ZNF726: variants seen among roughly 807,000 people sequenced by gnomAD.
The protein encoded by ZNF726 is zinc finger protein 726.
In ZNF726, 15 loss-of-function variants were observed where a neutral mutation model predicts 11.6. That is an observed-to-expected ratio of 1.29 (90% CI 0.86 to 1.99). The LOEUF (loss-of-function observed/expected upper bound fraction) is 1.99, where lower values mean the gene tolerates loss of function less well. Among genes scored for constraint, ZNF726 ranks in the 30% most tolerant of loss-of-function variants. The pLI, the probability that ZNF726 is intolerant of heterozygous loss-of-function variation, is 0.00. For missense variants in ZNF726, 890 were observed against 725.6 expected (o/e 1.23, Z -2.60); for synonymous variants, 295 against 243.6 (o/e 1.21, Z -1.96).
At chr19:23,944,178 A>G (rs1968382117) in intron 4 of ZNF726, 1 of 152,072 alleles carries the variant, frequency 6.6e-6, no homozygotes. Context: ...TGCTGGCAAA[A>G]TATTTTTTGA....
chr19:23,935,344 G>T (rs762919004), downstream of ZNF726: 2 of 528,324 alleles, frequency 3.8e-6, no homozygotes, highest in East Asian at 5.3e-5. Flanking sequence ...GCCCTAACTA[G>T]ACATAAGAAA....
At position 23,932,872 on chromosome 19, in the gene ZNF726, T is replaced by A. The variant is rs764404932; in HGVS notation, c.756T>A (p.Thr252=). The change falls in exon 4 of 4, where the codon ACT becomes ACA. Residue 252 remains threonine, a synonymous_variant. Coordinates refer to ENST00000594466, the MANE Select transcript of ZNF726 (RefSeq NM_001244038.2). ...ATACTACACATAAGGTAACTCATAC[T>A]GGAGAGAAGCCTTACAAGTGTGAAG... is the stretch of plus-strand genomic sequence containing the variant. ...SNYTTHKVTH[T]GEKPYKCEEC... is the part of the protein sequence containing the mutation. 1.2e-6 allele frequency: 2 copies of A among 1,608,790 alleles called. No homozygotes were observed. The highest frequency in any genetic ancestry group is 1.7e-6 in the Non-Finnish European group (2 of 1,177,920).
intron 3 of ZNF726, chr19:23,921,082 G>A (rs1007463245): frequency 6.6e-6 from 1 of 152,260 alleles, no homozygotes; most frequent in East Asian, 1.9e-4. Context: ...TGAATCACGA[G>A]GTCACGAATT....
At chr19:23,926,277 G>C (rs867656957) in intron 3 of ZNF726, among the ~76,000 whole-genome samples, 1 of 151,952 alleles carries the variant, frequency 6.6e-6, no homozygotes. Flanking sequence ...TTATCCGGTC[G>C]GGTGCGGTGG....
intron 3 of ZNF726, among the ~76,000 whole-genome samples, chr19:23,924,657 A>G (rs1317226068): frequency 2.6e-5 from 4 of 152,166 alleles, no homozygotes; most frequent in African/African-American, 9.7e-5. Context: ...AGAGGCCGGG[A>G]CAGGAGGTTT....
At chr19:23,916,107 C>A (rs1370690760) in intron 1 of ZNF726, among the ~76,000 whole-genome samples, 1 of 152,150 alleles carries the variant, frequency 6.6e-6, no homozygotes, top group Non-Finnish European at 1.5e-5. Flanking sequence ...TCACACTCCA[C>A]AGGGGACTGA....
chr19:23,930,733 G>A lies in ZNF726; in HGVS notation c.227-1610G>A, dbSNP rs563900192. On this transcript the variant is annotated intron_variant, in intron 3 of 3. Transcript: ENST00000594466. ...TTATTTGTGAGTCTATGTAATTTTT[G>A]TGTGGTAGAAACATTTTTGGATTTG... Among the ~76,000 whole-genome samples, 10 of 152,070 alleles carry A rather than the reference G, an allele frequency of 6.6e-5. No individual in the cohort carries two copies. In the South Asian group the frequency reaches 1.9e-3, roughly 28 times the overall value.
At chr19:23,925,917 A>G (rs1164434794) in intron 3 of ZNF726, among the ~76,000 whole-genome samples, 1 of 151,656 alleles carries the variant, frequency 6.6e-6, no homozygotes, top group Non-Finnish European at 1.5e-5. Context: ...GAGTTTCACC[A>G]TGTTGGTCAG....
intron 3 of ZNF726, chr19:23,923,377 G>C: frequency 2.5e-6 from 1 of 399,634 alleles, no homozygotes; most frequent in South Asian, 1.8e-5. Context: ...CATTTTCTCT[G>C]AAATTTTATT....
At chr19:23,926,485 C>T (rs1568377556) in intron 3 of ZNF726, among the ~76,000 whole-genome samples, 3 of 148,344 alleles carry the variant, frequency 2.0e-5, no homozygotes, top group Admixed American at 6.9e-5. Flanking sequence ...ACCCAGGAGG[C>T]GGAGGTTGTA....
intron 3 of ZNF726, among the ~76,000 whole-genome samples, chr19:23,926,946 G>C (rs1968002001): frequency 6.6e-6 from 1 of 152,048 alleles, no homozygotes; most frequent in Non-Finnish European, 1.5e-5. Context: ...TTTAAACAAT[G>C]TTTCCTTAAA....
At position 23,919,336 on chromosome 19, in the gene ZNF726, C is replaced by A. The variant is rs188480525; in HGVS notation, c.4-37C>A. 1.5e-4 allele frequency: 231 copies of A among 1,590,826 alleles called. No homozygotes were observed. The East Asian group carries it at 4.5e-3, about 31-fold the overall frequency. On this transcript the variant is annotated intron_variant, in intron 1 of 3. Coordinates refer to ENST00000594466, the MANE Select transcript of ZNF726 (RefSeq NM_001244038.2). ...TCAAATGAAAAATTCTGCCCATAGC[C>A]ACTTTGTAAATATGTGTGTTTGTGT...
downstream of ZNF726, among the ~76,000 whole-genome samples, chr19:23,936,857 C>A (rs1968241592): frequency 6.6e-6 from 1 of 152,038 alleles, no homozygotes; most frequent in Non-Finnish European, 1.5e-5. Flanking sequence ...ATGTCTACCT[C>A]TTTCTACACA....
At chr19:23,928,137 C>G (rs1407376366) in intron 3 of ZNF726, 4 of 152,186 alleles carry the variant, frequency 2.6e-5, no homozygotes, top group Non-Finnish European at 5.9e-5. Flanking sequence ...CTCTGTCTCT[C>G]ATCATGTAAT....
intron 3 of ZNF726, 42 bp downstream of exon 3, chr19:23,920,124 C>T: frequency 7.2e-7 from 1 of 1,387,042 alleles, no homozygotes; most frequent in Non-Finnish European, 1.0e-6. Flanking sequence ...GATGAGAGGT[C>T]CAACGTCAAG....
At chr19:23,919,726 C>A (rs1435288185) in intron 2 of ZNF726, 4 of 530,186 alleles carry the variant, frequency 7.5e-6, no homozygotes, top group East Asian at 9.6e-5. Flanking sequence ...AATTTCAGAA[C>A]CTTAGTGGCA....
At chr19:23,915,076 C>T in intron 1 of ZNF726, 79 bp downstream of exon 1, 1 of 1,602,122 alleles carries the variant, frequency 6.2e-7, no homozygotes, top group Non-Finnish European at 8.5e-7. Context: ...TGGCGGGACT[C>T]AGGCCTCCTC....
chr19:23,921,399 G>A lies in ZNF726; in HGVS notation c.226+1317G>A, dbSNP rs1001535448. ...TATTCAAAATTTATTGTGGTTTCGT[G>A]TACATTTTAGGATTGTAATTTTCAT... is the stretch of plus-strand genomic sequence containing the variant. On this transcript the variant is annotated intron_variant, in intron 3 of 3. Coordinates refer to ENST00000594466, the MANE Select transcript of ZNF726 (RefSeq NM_001244038.2). 4 of 152,340 alleles carry A rather than the reference G, an allele frequency of 2.6e-5. No individual in the cohort carries two copies. In the East Asian group the frequency reaches 7.7e-4, roughly 29 times the overall value. The allele number at this position is 152,340 out of a possible 1,614,324, so 9.4% of individuals were successfully genotyped here.
At chr19:23,922,809 A>G (rs1448866065) in intron 3 of ZNF726, among the ~76,000 whole-genome samples, 2 of 152,244 alleles carry the variant, frequency 1.3e-5, no homozygotes, top group Non-Finnish European at 1.5e-5. Flanking sequence ...GTAATGTACC[A>G]TGTAGTTTTC....
Sources: allele counts gnomAD v4.1 joint callset (sites outside exome capture counted in the v4.1 genomes callset), GRCh38; gene constraint gnomAD v4.1.1; transcripts MANE v1.5; gene names NCBI Gene and HGNC (gene_info 2026-07-23, HGNC 2026-07-21).